CCR5AS: variants seen among roughly 807,000 people sequenced by gnomAD.
The protein encoded by CCR5AS is CCR5 antisense RNA.
intron 3 of CCR5AS, among the ~76,000 whole-genome samples, chr3:46,368,188 C>CA (rs1191164386): frequency 6.6e-6 from 1 of 152,062 alleles, no homozygotes; most frequent in African/African-American, 2.4e-5. Flanking sequence ...AAAAAGGCCC[C>CA]AAAAAGGAGG....
At chr3:46,393,476 G>A (rs977630494) in intron 1 of CCR5AS, among the ~76,000 whole-genome samples, 144 of 110,272 alleles carry the variant, frequency 1.3e-3, no homozygotes, top group African/African-American at 1.7e-3. Context: ...AAAAAGAAAA[G>A]AAAAGAAAAG....
chr3:46,387,802 G>C (rs1210605535), intron 2 of CCR5AS, among the ~76,000 whole-genome samples: 1 of 152,208 alleles, frequency 6.6e-6, no homozygotes, highest in African/African-American at 2.4e-5. Context: ...AAGGGAGATA[G>C]GGATGGGGCG....
chr3:46,379,412 G>A (rs979712427), intron 2 of CCR5AS, among the ~76,000 whole-genome samples: 1 of 151,892 alleles, frequency 6.6e-6, no homozygotes, highest in African/African-American at 2.4e-5. Context: ...AAGAAAATGT[G>A]GCACATATAC....
chr3:46,378,375 C>T (rs1022556042), intron 2 of CCR5AS, among the ~76,000 whole-genome samples: 2 of 151,864 alleles, frequency 1.3e-5, no homozygotes, highest in Middle Eastern at 3.2e-3. Flanking sequence ...TATTTGCCTC[C>T]TTATTGTTAC....
intron 1 of CCR5AS, among the ~76,000 whole-genome samples, chr3:46,399,213 CTTG>C (rs1285780960): frequency 3.3e-5 from 5 of 152,144 alleles, no homozygotes; most frequent in African/African-American, 4.8e-5. Flanking sequence ...ATGTCTGCGT[CTTG>C]TTGTTGTTAT....
At chr3:46,374,133 C>A (rs1285964479) in intron 2 of CCR5AS, 2 of 434,670 alleles carry the variant, frequency 4.6e-6, no homozygotes, top group Non-Finnish European at 8.3e-6. Context: ...TAGATTAGAT[C>A]TTTTAAGCCC....
At chr3:46,400,667 G>T (rs913305139) in intron 1 of CCR5AS, among the ~76,000 whole-genome samples, 1 of 150,724 alleles carries the variant, frequency 6.6e-6, no homozygotes, top group African/African-American at 2.4e-5. Flanking sequence ...GCTGAGACTT[G>T]GGCACCAGAT....
At chr3:46,374,845 C>T (rs1701730915) in intron 2 of CCR5AS, 1 of 167,232 alleles carries the variant, frequency 6.0e-6, no homozygotes, top group Admixed American at 6.6e-5. Flanking sequence ...GCCCTCAGGT[C>T]AGGGTGAGGA....
chr3:46,364,179 G>C (rs1701579329), downstream of CCR5AS, among the ~76,000 whole-genome samples: 1 of 152,256 alleles, frequency 6.6e-6, no homozygotes, highest in Admixed American at 6.5e-5. Context: ...TGCCATCCAG[G>C]ACTTTCACAG....
At chr3:46,377,338 G>T (rs1219749746) in intron 2 of CCR5AS, among the ~76,000 whole-genome samples, 7 of 152,136 alleles carry the variant, frequency 4.6e-5, no homozygotes, top group Non-Finnish European at 1.0e-4. Flanking sequence ...CAACTCTGGG[G>T]TGAACGTACC....
intron 3 of CCR5AS, among the ~76,000 whole-genome samples, chr3:46,366,400 G>T (rs745439308): frequency 3.3e-5 from 5 of 152,310 alleles, no homozygotes; most frequent in Admixed American, 2.0e-4. Flanking sequence ...TGAACTGTTA[G>T]CTTAGACATC....
chr3:46,370,944 C>T (rs1405160071), intron 3 of CCR5AS: 3 of 152,128 alleles, frequency 2.0e-5, no homozygotes, highest in Non-Finnish European at 4.4e-5. Context: ...GCTCATCTGG[C>T]CAGAAGAGCT....
chr3:46,373,064 C>T, intron 2 of CCR5AS: 1 of 1,614,156 alleles, frequency 6.2e-7, no homozygotes, highest in South Asian at 1.1e-5. Flanking sequence ...TCATCCTCAT[C>T]CTGATAAACT....
chr3:46,384,910 T>TAGAC (rs1247630820), intron 2 of CCR5AS, among the ~76,000 whole-genome samples: 77 of 123,220 alleles, frequency 6.2e-4, no homozygotes, highest in African/African-American at 1.3e-3. Context: ...GATAGATAGA[T>TAGAC]AGACAGACAG....
At chr3:46,389,151 C>T (rs1701886903) in intron 2 of CCR5AS, among the ~76,000 whole-genome samples, 1 of 152,054 alleles carries the variant, frequency 6.6e-6, no homozygotes, top group Non-Finnish European at 1.5e-5. Context: ...GATAAATAGA[C>T]TTAATAGAAT....
intron 1 of CCR5AS, among the ~76,000 whole-genome samples, chr3:46,395,348 G>T (rs1701949967): frequency 6.6e-6 from 1 of 152,094 alleles, no homozygotes; most frequent in South Asian, 2.1e-4. Flanking sequence ...CGACATCTGG[G>T]GTCACAGGCA....
intron 2 of CCR5AS, among the ~76,000 whole-genome samples, chr3:46,383,333 A>G (rs1324914043): frequency 1.3e-5 from 2 of 152,188 alleles, no homozygotes; most frequent in African/African-American, 4.8e-5. Context: ...CTCAAAGCAA[A>G]CTGAGAGAGT....
chr3:46,396,519 C>T (rs578012037), intron 1 of CCR5AS, among the ~76,000 whole-genome samples: 18 of 152,310 alleles, frequency 1.2e-4, no homozygotes, highest in Non-Finnish European at 4.4e-5. Flanking sequence ...CCCAGATGCC[C>T]TTTTCAAGCC....
chr3:46,388,536 G>A (rs1457004017), intron 2 of CCR5AS, among the ~76,000 whole-genome samples: 1 of 152,186 alleles, frequency 6.6e-6, no homozygotes, highest in Non-Finnish European at 1.5e-5. Context: ...TGCTTGGTTG[G>A]TGAGTTTTTG....
Sources: gnomAD v4.1 joint callset for allele counts (sites outside exome capture counted in the v4.1 genomes callset) on GRCh38, gnomAD v4.1.1 for gene constraint, MANE v1.5 for transcripts, NCBI Gene and HGNC (gene_info 2026-07-23, HGNC 2026-07-21) for gene names.